Variants in ATG7 observed in about 807,000 individuals in gnomAD.
ATG7 encodes autophagy related 7, also known as ubiquitin-like modifier-activating enzyme ATG7.
ATG7 carries 70 observed loss-of-function variants against 82.4 expected under a neutral mutation model. The ratio of observed to expected loss-of-function variants is 0.85; its 90% CI spans 0.70 to 1.04. The LOEUF is 1.04. Among genes scored for constraint, ATG7 ranks in the 50% least tolerant of loss-of-function variants. The probability of loss-of-function intolerance (pLI) is 0.00; values close to 1 mark genes in which losing one functional copy is unlikely to be tolerated. For missense variants in ATG7, 792 were observed against 864.3 expected, an observed-to-expected ratio of 0.92 and a Z score of 1.05; for synonymous variants, 287 against 313.0, an observed-to-expected ratio of 0.92 and a Z score of 0.88.
At chr3:11,558,147 A>C, downstream of ATG7, 1 of 234,108 alleles carries the variant, frequency 4.3e-6, no homozygotes, top group Non-Finnish European at 8.4e-6. Context: ...ACGCCGTGGA[A>C]GCTGAGCCAC....
chr3:11,553,394 G>A (rs950831893), intron 20 of ATG7, among the ~76,000 whole-genome samples: 1 of 147,516 alleles, frequency 6.8e-6, no homozygotes, highest in Non-Finnish European at 1.5e-5. Context: ...CGTTGAATGG[G>A]AGAGTGAAAG....
chr3:11,522,929 G>T (rs1283811357), intron 20 of ATG7, among the ~76,000 whole-genome samples: 1 of 152,084 alleles, frequency 6.6e-6, no homozygotes, highest in South Asian at 2.1e-4. Flanking sequence ...CCTACCAGCC[G>T]CATGACCTCA....
chr3:11,291,175 C>T (rs927503724), intron 3 of ATG7, among the ~76,000 whole-genome samples: 3 of 152,166 alleles, frequency 2.0e-5, no homozygotes, highest in African/African-American at 4.8e-5. Context: ...TTGTGGATGA[C>T]TGACATATGT....
At chr3:11,504,877 G>A (rs2091599351) in intron 20 of ATG7, among the ~76,000 whole-genome samples, 1 of 152,130 alleles carries the variant, frequency 6.6e-6, no homozygotes, top group Non-Finnish European at 1.5e-5. Context: ...TAATTATGTT[G>A]AAATGGTGGA....
At chr3:11,514,584 A>T (rs1008094097) in intron 20 of ATG7, among the ~76,000 whole-genome samples, 1 of 152,230 alleles carries the variant, frequency 6.6e-6, no homozygotes, top group African/African-American at 2.4e-5. Context: ...AGCCAGCTCT[A>T]TGGTGATTCT....
chr3:11,510,160 A>G (rs567278594), intron 20 of ATG7: 4 of 453,410 alleles, frequency 8.8e-6, no homozygotes, highest in South Asian at 6.2e-5. Context: ...GTTGCCTGAA[A>G]TCATATATCT....
chr3:11,485,925 T>A (rs1477468815), intron 20 of ATG7, among the ~76,000 whole-genome samples: 1 of 152,148 alleles, frequency 6.6e-6, no homozygotes, highest in African/African-American at 2.4e-5. Context: ...ACCAGTACCA[T>A]GCTGTTTTGG....
chr3:11,381,752 A>C lies in ATG7; in HGVS notation c.1956+1700A>C, dbSNP rs559666530. Among the ~76,000 whole-genome samples the C allele has an allele frequency of 2.0e-3, 301 of 152,346 alleles. 1 individual carries two copies. Among genetic ancestry groups the C allele is most frequent in the Non-Finnish European group, 3.6e-3 (244 of 68,036 alleles). The stretch of plus-strand genomic sequence containing the variant: ...GGATTTTAACAGCTGTGCTATTCCC[A>C]TAGCGGTCACTTTTCATGTGGTCTG... On this transcript the variant is annotated intron_variant, in intron 19 of 20. Coordinates refer to ENST00000693202, the MANE Select transcript of ATG7 (RefSeq NM_001349232.2).
At chr3:11,495,236 C>A (rs143930826) in intron 20 of ATG7, among the ~76,000 whole-genome samples, 9 of 152,254 alleles carry the variant, frequency 5.9e-5, no homozygotes, top group African/African-American at 2.2e-4. Flanking sequence ...TGTCATGGAC[C>A]TTGAAGTATG....
chr3:11,442,032 G>A (rs895636583), intron 20 of ATG7, among the ~76,000 whole-genome samples: 6 of 152,136 alleles, frequency 3.9e-5, no homozygotes, highest in African/African-American at 1.4e-4. Flanking sequence ...TGAACTCCTG[G>A]CCTCAAGCCA....
intron 20 of ATG7, among the ~76,000 whole-genome samples, chr3:11,484,337 T>C (rs143760575): frequency 0.011 from 1,701 of 152,282 alleles, 31 homozygotes; most frequent in African/African-American, 0.038. Flanking sequence ...GAGGCTGCAG[T>C]GAGCCAAAAT....
intron 18 of ATG7, among the ~76,000 whole-genome samples, chr3:11,376,930 G>A (rs1455154650): frequency 6.6e-6 from 1 of 152,054 alleles, no homozygotes; most frequent in Non-Finnish European, 1.5e-5. Flanking sequence ...TAGTAGAGAC[G>A]GGGTTTCACC....
intron 14 of ATG7, among the ~76,000 whole-genome samples, chr3:11,354,592 T>C (rs2075797929): frequency 1.5e-5 from 2 of 132,400 alleles, no homozygotes; most frequent in South Asian, 2.3e-4. Context: ...GAGGTTGCAG[T>C]GAGCCGAGAT....
intron 20 of ATG7, among the ~76,000 whole-genome samples, chr3:11,436,908 T>TG (rs920994744): frequency 6.6e-6 from 1 of 152,114 alleles, no homozygotes; most frequent in Non-Finnish European, 1.5e-5. Flanking sequence ...CAGGTGGGGA[T>TG]GGGGGATTAA....
At chr3:11,544,703 C>T (rs1363433783) in intron 20 of ATG7, among the ~76,000 whole-genome samples, 1 of 152,238 alleles carries the variant, frequency 6.6e-6, no homozygotes, top group African/African-American at 2.4e-5. Flanking sequence ...GCCGAGGGGC[C>T]CGCCCTTGAC....
At chr3:11,311,322 G>A (rs1422371083) in intron 7 of ATG7, among the ~76,000 whole-genome samples, 7 of 152,070 alleles carry the variant, frequency 4.6e-5, no homozygotes, top group Non-Finnish European at 1.0e-4. Flanking sequence ...CGTGAGGTCC[G>A]GCCGGGTGCA....
chr3:11,439,464 TA>T (rs1187896696), intron 20 of ATG7, among the ~76,000 whole-genome samples: 3 of 152,238 alleles, frequency 2.0e-5, no homozygotes, highest in Non-Finnish European at 4.4e-5. Context: ...TTTTTAAAAT[TA>T]AATATTGTTG....
At chr3:11,329,044 G>A (rs984237559) in intron 9 of ATG7, among the ~76,000 whole-genome samples, 1 of 152,206 alleles carries the variant, frequency 6.6e-6, no homozygotes, top group Non-Finnish European at 1.5e-5. Context: ...GCAGTGAGCC[G>A]AGATCGTGCC....
At chr3:11,553,423 G>A (rs2072023890) in intron 20 of ATG7, among the ~76,000 whole-genome samples, 1 of 152,186 alleles carries the variant, frequency 6.6e-6, no homozygotes, top group East Asian at 1.9e-4. Context: ...GATTGTGCTG[G>A]CAAACCCTCC....
Sources: gnomAD v4.1 joint callset for allele counts (sites outside exome capture counted in the v4.1 genomes callset) on GRCh38, gnomAD v4.1.1 for gene constraint, MANE v1.5 for transcripts, NCBI Gene and HGNC (gene_info 2026-07-23, HGNC 2026-07-21) for gene names.